ARID5B: variants seen among roughly 807,000 people sequenced by gnomAD.
ARID5B encodes AT-rich interactive domain-containing protein 5B.
Under a neutral mutation model 97.2 loss-of-function variants are expected in ARID5B, and 13 were observed. The ratio of observed to expected loss-of-function variants is 0.13; its 90% CI spans 0.09 to 0.21. The LOEUF (loss-of-function observed/expected upper bound fraction) is 0.21. ARID5B is among the 10% of genes least tolerant of loss of function. ARID5B has a pLI of 1.00. For missense variants in ARID5B, 1,210 were observed against 1,465.3 expected (o/e 0.83, Z 2.84); for synonymous variants, 556 against 570.3 (o/e 0.97, Z 0.36).
At chr10:62,026,874 A>C (rs1430239293) in intron 4 of ARID5B, among the ~76,000 whole-genome samples, 2 of 152,236 alleles carry the variant, frequency 1.3e-5, no homozygotes, top group Non-Finnish European at 2.9e-5. Flanking sequence ...GGCTAATTAA[A>C]AATTGTTTGC....
At chr10:61,974,693 T>C (rs1838675539) in intron 3 of ARID5B, among the ~76,000 whole-genome samples, 1 of 152,210 alleles carries the variant, frequency 6.6e-6, no homozygotes, top group African/African-American at 2.4e-5. Context: ...CACTGGAAAT[T>C]TACATGCGCT....
intron 3 of ARID5B, among the ~76,000 whole-genome samples, chr10:61,941,516 GT>G (rs775071210): frequency 2.1e-3 from 301 of 142,628 alleles, no homozygotes; most frequent in African/African-American, 2.4e-3. Flanking sequence ...CAACTTCCTG[GT>G]TTTTTTTTTT....
intron 3 of ARID5B, among the ~76,000 whole-genome samples, chr10:61,956,453 A>G (rs538548108): frequency 6.6e-6 from 1 of 152,252 alleles, no homozygotes; most frequent in Admixed American, 6.5e-5. Context: ...AAACAATTGT[A>G]TTAACTGTAT....
intron 2 of ARID5B, among the ~76,000 whole-genome samples, chr10:61,938,309 A>G (rs1033576556): frequency 2.6e-5 from 4 of 152,238 alleles, no homozygotes; most frequent in Non-Finnish European, 4.4e-5. Flanking sequence ...TCAGAGAGCT[A>G]TTTGAAAATA....
chr10:62,032,049 G>A (rs866294764), intron 4 of ARID5B, among the ~76,000 whole-genome samples: 15 of 152,144 alleles, frequency 9.9e-5, no homozygotes, highest in Middle Eastern at 3.2e-3. Flanking sequence ...AAATGTAGCC[G>A]GGCGCAGTGG....
At chr10:62,003,388 C>T (rs775354158) in intron 4 of ARID5B, among the ~76,000 whole-genome samples, 7 of 151,922 alleles carry the variant, frequency 4.6e-5, no homozygotes, top group African/African-American at 9.7e-5. Flanking sequence ...GGGAAAGCCT[C>T]GTGAAAAAGG....
At chr10:61,976,331 A>T (rs966977704) in intron 3 of ARID5B, among the ~76,000 whole-genome samples, 2 of 152,242 alleles carry the variant, frequency 1.3e-5, no homozygotes, top group Non-Finnish European at 2.9e-5. Context: ...TACTTTTGCA[A>T]CTACATAACA....
Position 61,902,192 on chromosome 10 carries a change from T to C in ARID5B, c.55T>C (p.Tyr19His). 6.2e-7 allele frequency: 1 copy of C among 1,613,386 alleles called. No individual in the cohort carries two copies. Among genetic ancestry groups the C allele is most frequent in the East Asian group, 2.2e-5 (1 of 44,888 alleles). Residue 19 changes from tyrosine to histidine, a missense_variant, in exon 2 of 10, where the codon TAC becomes CAC. Physicochemically the swap from Tyr to His is moderately conservative, Grantham distance 83 (BLOSUM62 2). Coordinates refer to ENST00000279873, the MANE Select transcript of ARID5B (RefSeq NM_032199.3). ...VGSPCGLHGPYIFYKAFQFHL... is the reference protein window; with the variant it reads ...VGSPCGLHGPHIFYKAFQFHL... ...CTCACCGTGTGGCTTGCACGGACCT[T>C]ACATTTTCTACAAGGCTTTTCAATT... is the stretch of plus-strand genomic sequence containing the variant.
At chr10:62,004,146 T>C (rs1839117548) in intron 4 of ARID5B, among the ~76,000 whole-genome samples, 1 of 152,238 alleles carries the variant, frequency 6.6e-6, no homozygotes, top group Non-Finnish European at 1.5e-5. Flanking sequence ...AAGGTTATTT[T>C]AGGCTTGAAG....
chr10:62,076,262 G>T (rs899408263), intron 8 of ARID5B, among the ~76,000 whole-genome samples: 9 of 152,196 alleles, frequency 5.9e-5, no homozygotes, highest in Non-Finnish European at 1.3e-4. Flanking sequence ...TGTCTGTGGT[G>T]GGCATGGTGG....
chr10:61,980,446 C>A (rs188153396), intron 3 of ARID5B, among the ~76,000 whole-genome samples: 2 of 152,156 alleles, frequency 1.3e-5, no homozygotes, highest in African/African-American at 2.4e-5. Flanking sequence ...TTTTCCCAAC[C>A]TTAATGTAAT....
At chr10:61,992,110 G>T (rs1022215743) in intron 3 of ARID5B, among the ~76,000 whole-genome samples, 4 of 152,086 alleles carry the variant, frequency 2.6e-5, no homozygotes, top group African/African-American at 7.2e-5. Flanking sequence ...GGTAAGTCAG[G>T]CCCCATAGAA....
intron 4 of ARID5B, among the ~76,000 whole-genome samples, chr10:62,031,464 CT>C (rs1354465063): frequency 2.0e-5 from 3 of 152,180 alleles, no homozygotes; most frequent in Non-Finnish European, 4.4e-5. Context: ...ATAACACCTT[CT>C]TTGGTAACTC....
chr10:62,056,341 G>A (rs1280968981), intron 5 of ARID5B, among the ~76,000 whole-genome samples: 1 of 152,086 alleles, frequency 6.6e-6, no homozygotes, highest in East Asian at 1.9e-4. Flanking sequence ...TATTCTTAGA[G>A]CTGACTGATA....
intron 4 of ARID5B, among the ~76,000 whole-genome samples, chr10:62,035,687 T>G (rs10740058): frequency 0.67 from 101,186 of 151,650 alleles, 34,160 homozygotes; most frequent in Non-Finnish European, 0.72. Context: ...GGACGGGGTT[T>G]CACCATGTTG....
At chr10:62,053,678 A>G (rs914370086) in intron 5 of ARID5B, among the ~76,000 whole-genome samples, 1 of 152,218 alleles carries the variant, frequency 6.6e-6, no homozygotes, top group Non-Finnish European at 1.5e-5. Flanking sequence ...AAGGCAAATT[A>G]TTTTTAATAT....
chr10:61,904,434 G>A (rs1015884962), intron 2 of ARID5B, among the ~76,000 whole-genome samples: 1 of 152,290 alleles, frequency 6.6e-6, no homozygotes, highest in East Asian at 1.9e-4. Context: ...AGTGTTGACA[G>A]TGAATAGATA....
intron 3 of ARID5B, among the ~76,000 whole-genome samples, chr10:61,962,569 T>C (rs905742943): frequency 6.6e-6 from 1 of 152,236 alleles, no homozygotes; most frequent in Non-Finnish European, 1.5e-5. Flanking sequence ...GTGAAGGCCA[T>C]CTTCAATTTG....
At chr10:62,007,046 T>C (rs967245355) in intron 4 of ARID5B, among the ~76,000 whole-genome samples, 1 of 152,178 alleles carries the variant, frequency 6.6e-6, no homozygotes, top group Non-Finnish European at 1.5e-5. Context: ...TATTTCTCTC[T>C]AGGGTGAAAC....
Sources: allele counts gnomAD v4.1 joint callset (sites outside exome capture counted in the v4.1 genomes callset), GRCh38; gene constraint gnomAD v4.1.1; transcripts MANE v1.5; gene names NCBI Gene and HGNC (gene_info 2026-07-23, HGNC 2026-07-21).